Variants in GNB1 observed in about 807,000 individuals in gnomAD.
GNB1 encodes the protein G protein subunit beta 1, also known as guanine nucleotide-binding protein G(I)/G(S)/G(T) subunit beta-1.
A neutral mutation model predicts 42.9 loss-of-function variants in GNB1; 2 were observed. The observed-to-expected ratio is 0.05, with a 90% CI of 0.02 to 0.15. The LOEUF (loss-of-function observed/expected upper bound fraction) is 0.15. Ranked by LOEUF, GNB1 falls within the 10% of genes least tolerant of loss-of-function variation. GNB1 has a pLI of 1.00. For synonymous variants in GNB1, 183 were observed against 174.7 expected, an observed-to-expected ratio of 1.05 and a Z score of -0.38; for missense variants, 193 against 462.2, an observed-to-expected ratio of 0.42 and a Z score of 5.34.
chr1:1,883,082 G>C (rs1481125646), intron 1 of GNB1, among the ~76,000 whole-genome samples: 1 of 151,886 alleles, frequency 6.6e-6, no homozygotes, highest in African/African-American at 2.4e-5. Context: ...CTTGAACCCA[G>C]GAGTTGGAGA....
chr1:1,836,274 C>T (rs1184237041), intron 2 of GNB1, among the ~76,000 whole-genome samples: 5 of 152,118 alleles, frequency 3.3e-5, no homozygotes, highest in South Asian at 2.1e-4. Context: ...ATCTGCATCT[C>T]GCTGACTGCT....
intron 1 of GNB1, among the ~76,000 whole-genome samples, chr1:1,876,165 A>G (rs1649534697): frequency 6.6e-6 from 1 of 152,158 alleles, no homozygotes; most frequent in Non-Finnish European, 1.5e-5. Context: ...GAACTGAGGG[A>G]ATCAATTCAT....
intron 2 of GNB1, among the ~76,000 whole-genome samples, chr1:1,831,615 A>C (rs888911248): frequency 1.3e-5 from 2 of 151,604 alleles, no homozygotes; most frequent in Admixed American, 1.3e-4. Flanking sequence ...CACCTGGCTA[A>C]TTTTTGTATT....
chr1:1,842,348 T>G (rs764215680), intron 1 of GNB1, among the ~76,000 whole-genome samples: 2 of 151,296 alleles, frequency 1.3e-5, no homozygotes, highest in Non-Finnish European at 2.9e-5. Context: ...GAGAATGCCA[T>G]GAACCCAGGA....
intron 1 of GNB1, among the ~76,000 whole-genome samples, chr1:1,884,112 T>C (rs898789286): frequency 1.3e-4 from 20 of 151,898 alleles, no homozygotes; most frequent in African/African-American, 4.8e-4. Context: ...ATTACAGGCA[T>C]GTGCCACCAT....
intron 4 of GNB1, among the ~76,000 whole-genome samples, chr1:1,816,488 TA>T (rs1646857778): frequency 6.6e-6 from 1 of 152,114 alleles, no homozygotes; most frequent in South Asian, 2.1e-4. Flanking sequence ...CTATGTAGCC[TA>T]ATTTTTTTTT....
At chr1:1,863,469 CA>C (rs1309033777) in intron 1 of GNB1, among the ~76,000 whole-genome samples, 9 of 152,172 alleles carry the variant, frequency 5.9e-5, no homozygotes, top group Non-Finnish European at 5.9e-5. Flanking sequence ...GGGAGTGGGG[CA>C]AACACACCCC....
At chr1:1,875,609 A>G (rs1649498197) in intron 1 of GNB1, among the ~76,000 whole-genome samples, 1 of 152,168 alleles carries the variant, frequency 6.6e-6, no homozygotes, top group East Asian at 1.9e-4. Flanking sequence ...CCTGGGCTCA[A>G]GTGATCCTCT....
chr1:1,861,594 T>C (rs922962505), intron 1 of GNB1, among the ~76,000 whole-genome samples: 6 of 149,930 alleles, frequency 4.0e-5, no homozygotes, highest in Non-Finnish European at 8.9e-5. Flanking sequence ...CCTCAGGGGG[T>C]TGGGGGTTGG....
chr1:1,818,890 A>C (rs1206175533), intron 3 of GNB1, among the ~76,000 whole-genome samples: 1 of 152,040 alleles, frequency 6.6e-6, no homozygotes, highest in East Asian at 1.9e-4. Context: ...TAATAAAATA[A>C]AATAAAGGAA....
intron 1 of GNB1, among the ~76,000 whole-genome samples, chr1:1,848,074 CTT>C (rs1647768928): frequency 6.6e-6 from 1 of 151,976 alleles, no homozygotes; most frequent in Non-Finnish European, 1.5e-5. Flanking sequence ...CATACAGAAA[CTT>C]TTTTAGAGAA....
chr1:1,837,290 T>G (rs1647165293), intron 2 of GNB1, among the ~76,000 whole-genome samples: 1 of 150,778 alleles, frequency 6.6e-6, no homozygotes, highest in Non-Finnish European at 1.5e-5. Flanking sequence ...AGTCTCACTC[T>G]GTCACCCAGG....
intron 5 of GNB1, among the ~76,000 whole-genome samples, chr1:1,807,289 C>A (rs72909072): frequency 6.6e-6 from 1 of 151,430 alleles, no homozygotes; most frequent in Non-Finnish European, 1.5e-5. Context: ...GGTAAAATCC[C>A]GTCTCCACTA....
At chr1:1,845,802 G>C (rs1370693708) in intron 1 of GNB1, among the ~76,000 whole-genome samples, 3 of 145,706 alleles carry the variant, frequency 2.1e-5, no homozygotes, top group Non-Finnish European at 4.5e-5. Flanking sequence ...TTCCGCTGTA[G>C]AATCATTTGT....
chr1:1,815,128 A>G (rs539866415), intron 5 of GNB1, among the ~76,000 whole-genome samples: 17 of 151,970 alleles, frequency 1.1e-4, no homozygotes, highest in South Asian at 6.2e-4. Context: ...AAAAAAAAAA[A>G]AGAGAAAAGA....
chr1:1,827,992 C>T (rs902640385), intron 2 of GNB1, among the ~76,000 whole-genome samples: 4 of 152,038 alleles, frequency 2.6e-5, no homozygotes, highest in African/African-American at 7.2e-5. Flanking sequence ...CCTGGGATCT[C>T]GGGAAAGAGA....
chr1:1,891,017 G>GCTC lies in GNB1; in HGVS notation c.-294_-293insGAG. The GCTC allele has an allele frequency of 6.6e-6, 1 of 151,422 alleles. No homozygotes were observed. The highest frequency in any genetic ancestry group is 1.4e-5 in the Non-Finnish European group (1 of 69,006). 9.4% of individuals were successfully genotyped at this position (151,422 alleles called of 1,614,324 possible). A position where few individuals can be genotyped will look rare whatever the true frequency, so the allele number is the denominator to read the frequency against. On this transcript the variant is annotated 5_prime_UTR_variant, in exon 1 of 12. Transcript: ENST00000378609. ...CCACTCGCCGCCCGCTCCCGCTCCCGCCGCCGCCGCCGCCGCCTCCGTCCG... is the reference window on the plus strand; with the variant it reads ...CCACTCGCCGCCCGCTCCCGCTCCCGCTCCCGCCGCCGCCGCCGCCTCCGTCCG...
Position 1,825,477 on chromosome 1 carries a change from T to A in GNB1, c.-24A>T, listed in dbSNP as rs772351304. The A allele has an allele frequency of 6.4e-7, 1 of 1,565,126 alleles. No homozygotes were observed. ...ATCTTCCGATCTTAGTGCTCTTCAA[T>A]GCCACCTTCAAGAATGTGAGATCTG... On this transcript the variant is annotated 5_prime_UTR_variant, in exon 3 of 12. Coordinates refer to ENST00000378609, the MANE Select transcript of GNB1 (RefSeq NM_002074.5).
chr1:1,886,211 G>A lies in GNB1; in HGVS notation c.-96+4609C>T, dbSNP rs574612866. Among the ~76,000 whole-genome samples, 15 of 152,122 alleles carry A rather than the reference G, an allele frequency of 9.9e-5. No homozygotes were observed. In the South Asian group the frequency reaches 2.9e-3, roughly 29 times the overall value. ...CGGGTGCCTGTAATCCCAGCTACTC[G>A]GGAGGCTGAGACTGGAGAATCACTT... On this transcript the variant is annotated intron_variant, in intron 1 of 11. Transcript: ENST00000378609.
Sources: allele counts gnomAD v4.1 joint callset (sites outside exome capture counted in the v4.1 genomes callset), GRCh38; gene constraint gnomAD v4.1.1; transcripts MANE v1.5; gene names NCBI Gene and HGNC (gene_info 2026-07-23, HGNC 2026-07-21).